VPS13B: variants seen among roughly 807,000 people sequenced by gnomAD.
The protein encoded by VPS13B is intermembrane lipid transfer protein VPS13B.
A neutral mutation model predicts 426.4 loss-of-function variants in VPS13B; 285 were observed. The ratio of observed to expected loss-of-function variants is 0.67; its 90% confidence interval spans 0.61 to 0.74. The LOEUF is 0.74. Among genes scored for constraint, VPS13B ranks in the 30% least tolerant of loss-of-function variants. The probability of loss-of-function intolerance (pLI) is 0.00; values close to 1 mark genes in which losing one functional copy is unlikely to be tolerated. For missense variants in VPS13B, 4,537 were observed against 4,782.6 expected, an observed-to-expected ratio of 0.95 and a Z score of 1.51; for synonymous variants, 1,676 against 1,676.4, an observed-to-expected ratio of 1.00 and a Z score of 0.01.
chr8:99,339,370 A>T (rs901579480), intron 19 of VPS13B, among the ~76,000 whole-genome samples: 5 of 152,184 alleles, frequency 3.3e-5, no homozygotes, highest in Non-Finnish European at 7.4e-5. Flanking sequence ...TCGTGGGGGA[A>T]GGTGGAGGTG....
At chr8:99,698,124 T>G (rs866109984) in intron 35 of VPS13B, 14 of 263,944 alleles carry the variant, frequency 5.3e-5, no homozygotes, top group Middle Eastern at 1.7e-3. Flanking sequence ...ATACATTGGC[T>G]GGAATGAATC....
At chr8:99,587,680 C>G (rs918263426) in intron 33 of VPS13B, among the ~76,000 whole-genome samples, 6 of 151,104 alleles carry the variant, frequency 4.0e-5, no homozygotes, top group Admixed American at 1.3e-4. Context: ...TTGATTTTTT[C>G]TTGTAAATTT....
chr8:99,541,924 G>A (rs948932848), intron 30 of VPS13B, among the ~76,000 whole-genome samples: 1 of 152,106 alleles, frequency 6.6e-6, no homozygotes, highest in African/African-American at 2.4e-5. Context: ...TTTAATCCTA[G>A]ATGTAATGGA....
rs369706839 is a variant in VPS13B at position 99,501,947 on chromosome 8, TTCTGTCTG to T, written c.4042+109_4042+116del. ...CCCTCCCTTCCTTCCTTCCTTTCTT[TTCTGTCTG>T]TCTGTCTGTCTGTCTGTCTTTCCGT... On this transcript the variant is annotated intron_variant, in intron 26 of 61. Coordinates refer to ENST00000357162, the MANE Select transcript of VPS13B (RefSeq NM_152564.5). The T allele has an allele frequency of 3.8e-3, 4,900 of 1,289,238 alleles. 175 individuals are homozygous for T. In the African/African-American group the frequency reaches 0.071, roughly 19 times the overall value. The allele number at this position is 1,289,238 out of a possible 1,614,324, so 79.9% of individuals were successfully genotyped here. A position where few individuals can be genotyped will look rare whatever the true frequency, so the allele number is the denominator to read the frequency against.
At chr8:99,222,090 G>T (rs942271802) in intron 17 of VPS13B, among the ~76,000 whole-genome samples, 1 of 152,012 alleles carries the variant, frequency 6.6e-6, no homozygotes, top group African/African-American at 2.4e-5. Flanking sequence ...ATCAAGATTT[G>T]GCATCACTGG....
intron 17 of VPS13B, among the ~76,000 whole-genome samples, chr8:99,216,632 A>G (rs991278701): frequency 6.6e-6 from 1 of 151,146 alleles, no homozygotes; most frequent in African/African-American, 2.4e-5. Flanking sequence ...AATTTACCCT[A>G]TCTAGTATCG....
intron 33 of VPS13B, among the ~76,000 whole-genome samples, chr8:99,635,982 G>A (rs1206018218): frequency 1.3e-5 from 2 of 151,880 alleles, no homozygotes. Flanking sequence ...CTACCAGTAC[G>A]GCTTTCAGCA....
intron 43 of VPS13B, among the ~76,000 whole-genome samples, chr8:99,789,682 T>TA (rs1225820956): frequency 1.4e-4 from 21 of 152,290 alleles, no homozygotes; most frequent in African/African-American, 4.8e-4. Context: ...TTTAAGGAGT[T>TA]AAGTAAAATC....
intron 36 of VPS13B, 54 bp downstream of exon 36, chr8:99,699,986 A>G: frequency 6.3e-7 from 1 of 1,579,194 alleles, no homozygotes; most frequent in Non-Finnish European, 8.6e-7. Context: ...TGATTTGTTA[A>G]CATCTGAAAA....
intron 19 of VPS13B, among the ~76,000 whole-genome samples, chr8:99,382,075 G>A (rs192229367): frequency 6.8e-4 from 103 of 152,148 alleles, no homozygotes; most frequent in Admixed American, 3.4e-3. Flanking sequence ...CATTTATTGC[G>A]TAGGGAATCC....
At chr8:99,644,412 A>G (rs537262980) in intron 34 of VPS13B, among the ~76,000 whole-genome samples, 62 of 152,336 alleles carry the variant, frequency 4.1e-4, no homozygotes, top group African/African-American at 1.5e-3. Flanking sequence ...ATAAGAGCTC[A>G]TACCAAAGAT....
At chr8:99,089,020 A>G (rs1204895923) in intron 3 of VPS13B, among the ~76,000 whole-genome samples, 2 of 152,184 alleles carry the variant, frequency 1.3e-5, no homozygotes, top group Non-Finnish European at 2.9e-5. Flanking sequence ...TAGGTTGGAT[A>G]GGTTAGGAAA....
intron 51 of VPS13B, among the ~76,000 whole-genome samples, chr8:99,824,572 C>T (rs929122984): frequency 1.3e-5 from 2 of 149,912 alleles, no homozygotes; most frequent in African/African-American, 2.5e-5. Flanking sequence ...TTTTTCTCTC[C>T]ATTACATCTT....
chr8:99,634,651 A>G (rs1828998304), intron 33 of VPS13B, among the ~76,000 whole-genome samples: 1 of 152,042 alleles, frequency 6.6e-6, no homozygotes, highest in Non-Finnish European at 1.5e-5. Context: ...AATAAAAGAT[A>G]AAAAGCCCTT....
chr8:99,038,794 T>G (rs1284187693), intron 3 of VPS13B, among the ~76,000 whole-genome samples: 1 of 151,030 alleles, frequency 6.6e-6, no homozygotes, highest in Non-Finnish European at 1.5e-5. Flanking sequence ...TCAAGTGATT[T>G]TCCTGCCTCA....
chr8:99,044,152 C>T (rs1466668812), intron 3 of VPS13B, among the ~76,000 whole-genome samples: 5 of 129,112 alleles, frequency 3.9e-5, no homozygotes, highest in African/African-American at 5.9e-5. Flanking sequence ...GGCGCGATCT[C>T]GGCTCACTGC....
intron 21 of VPS13B, among the ~76,000 whole-genome samples, chr8:99,415,544 T>G (rs1815952812): frequency 6.6e-6 from 1 of 152,202 alleles, no homozygotes; most frequent in African/African-American, 2.4e-5. Flanking sequence ...ATAGTCTTCA[T>G]GGATTTATCT....
chr8:99,684,528 A>C (rs1831295727), intron 35 of VPS13B, among the ~76,000 whole-genome samples: 1 of 152,180 alleles, frequency 6.6e-6, no homozygotes, highest in Admixed American at 6.5e-5. Context: ...AGTCTAGGAT[A>C]AGGGGGTAGG....
chr8:99,721,335 T>C (rs1588655107), intron 39 of VPS13B, among the ~76,000 whole-genome samples: 2 of 152,330 alleles, frequency 1.3e-5, no homozygotes, highest in East Asian at 3.9e-4. Context: ...TGTCATTTAG[T>C]TCACCACTCC....
Sources: allele counts gnomAD v4.1 joint callset (sites outside exome capture counted in the v4.1 genomes callset), GRCh38; gene constraint gnomAD v4.1.1; transcripts MANE v1.5; gene names NCBI Gene and HGNC (gene_info 2026-07-23, HGNC 2026-07-21).